Variants in ANKS1A observed in about 807,000 individuals in gnomAD.
The protein encoded by ANKS1A is ankyrin repeat and SAM domain-containing protein 1A.
ANKS1A carries 55 observed loss-of-function variants against 120.3 expected under a neutral mutation model. That is an observed-to-expected ratio of 0.46 (90% confidence interval 0.37 to 0.57). The LOEUF is 0.57. ANKS1A is among the 20% of genes least tolerant of loss of function. The pLI, the probability that ANKS1A is intolerant of heterozygous loss-of-function variation, is 0.00. For missense variants in ANKS1A, 1,123 were observed against 1,480.3 expected (o/e 0.76, Z 3.96); for synonymous variants, 590 against 604.7 (o/e 0.98, Z 0.36).
Position 35,085,677 on chromosome 6 carries a change from G to T in ANKS1A, c.3133-89G>T, listed in dbSNP as rs1777924490. 1.4e-6 allele frequency: 2 copies of T among 1,380,090 alleles called. No homozygotes were observed. Among genetic ancestry groups the T allele is most frequent in the Non-Finnish European group, 1.9e-6 (2 of 1,027,432 alleles). The allele number at this position is 1,380,090 out of a possible 1,614,324, so 85.5% of individuals were successfully genotyped here. A position where few individuals can be genotyped will look rare whatever the true frequency, so the allele number is the denominator to read the frequency against. On this transcript the variant is annotated intron_variant, in intron 21 of 23. Coordinates refer to ENST00000360359, the MANE Select transcript of ANKS1A (RefSeq NM_015245.3). The surrounding 1 kb of genome is among the most constrained non-coding windows in gnomAD (Gnocchi z 4.7). ...GGAGCGCTCCCGGGTAGACTTAGAG[G>T]GGGACACATGGTCCCTGCGAGGAAG...
At chr6:35,095,619 AAAC>A (rs1249898598), downstream of ANKS1A, among the ~76,000 whole-genome samples, 2 of 150,818 alleles carry the variant, frequency 1.3e-5, no homozygotes, top group East Asian at 1.9e-4. Context: ...AAACAACAAA[AAAC>A]AACAAAAAAA....
chr6:34,915,557 G>A (rs1386503811), intron 1 of ANKS1A, among the ~76,000 whole-genome samples: 1 of 152,114 alleles, frequency 6.6e-6, no homozygotes, highest in Non-Finnish European at 1.5e-5. Flanking sequence ...GTGCTGCCCA[G>A]GCTGGTCTTA....
Position 35,084,713 on chromosome 6 carries a change from G to T in ANKS1A, c.3132+455G>T, listed in dbSNP as rs79810595. ...TGCCCTAGGTCTCCAACCTCTGGCT[G>T]GGCCGCCTCCCAGAAATGCCCTCTA... On this transcript the variant is annotated intron_variant, in intron 21 of 23. Transcript: ENST00000360359. This position sits in a 1 kb window ranked among gnomAD's most constrained non-coding sequence, Gnocchi z 4.8. 0.027 allele frequency among the ~76,000 whole-genome samples: 4,053 copies of T among 152,264 alleles called. 66 individuals carry two copies. Among genetic ancestry groups the T allele is most frequent in the Middle Eastern group, 0.054 (16 of 294 alleles).
At position 35,090,343 on chromosome 6, in the gene ANKS1A, T is replaced by C; in HGVS notation, c.*1734T>C. On this transcript the variant is annotated 3_prime_UTR_variant, in exon 24 of 24. Coordinates refer to ENST00000360359, the MANE Select transcript of ANKS1A (RefSeq NM_015245.3). ...GTAGACTGCGCTGCCACTGCGCACA[T>C]GCTGGTGCCCGTCTTCCTCCTAAGG... 7.9e-7 allele frequency: 1 copy of C among 1,272,206 alleles called. No homozygotes were observed. Among genetic ancestry groups the C allele is most frequent in the South Asian group, 1.3e-5 (1 of 79,444 alleles). 78.8% of individuals were successfully genotyped at this position (1,272,206 alleles called of 1,614,324 possible).
chr6:35,070,750 C>T (rs551853821), intron 13 of ANKS1A: 10 of 281,542 alleles, frequency 3.6e-5, no homozygotes, highest in Non-Finnish European at 6.8e-5. Context: ...TCCCAAAGTG[C>T]TGGGATTACA....
At chr6:35,063,118 G>A (rs1040708350) in intron 13 of ANKS1A, among the ~76,000 whole-genome samples, 1 of 152,180 alleles carries the variant, frequency 6.6e-6, no homozygotes, top group African/African-American at 2.4e-5. Context: ...AGAGGGGCAG[G>A]GCCAGGGCAG....
downstream of ANKS1A, among the ~76,000 whole-genome samples, chr6:35,095,471 T>G (rs1778433411): frequency 6.8e-6 from 1 of 147,646 alleles, no homozygotes; most frequent in Non-Finnish European, 1.5e-5. Context: ...GCAGGATAAT[T>G]GCTTGAACCC....
At chr6:34,923,889 CAAAG>C (rs1379678035) in intron 1 of ANKS1A, among the ~76,000 whole-genome samples, 6 of 152,196 alleles carry the variant, frequency 3.9e-5, no homozygotes. Flanking sequence ...GCTGCATACT[CAAAG>C]AGCCAGCAAA....
chr6:35,086,423 GCT>G lies in ANKS1A; in HGVS notation c.3303+490_3303+491del. 1 of 1,223,364 alleles carries G rather than the reference GCT, an allele frequency of 8.2e-7. No homozygotes were observed. The highest frequency in any genetic ancestry group is 1.3e-5 in the South Asian group (1 of 79,586). 75.8% of individuals were successfully genotyped at this position (1,223,364 alleles called of 1,614,324 possible). On this transcript the variant is annotated intron_variant, in intron 22 of 23. Transcript: ENST00000360359. This position sits in a 1 kb window ranked among gnomAD's most constrained non-coding sequence, Gnocchi z 5.1. ...CAGTCTCCCCGAAGTGACCGTGAGC[GCT>G]CTTAGCCTCTGGCGGCCTCTCCCTC...
intron 3 of ANKS1A, among the ~76,000 whole-genome samples, chr6:34,977,302 A>G (rs1174808520): frequency 2.0e-5 from 3 of 152,182 alleles, no homozygotes; most frequent in African/African-American, 4.8e-5. Flanking sequence ...TCAACAAGGC[A>G]CATGACGTTG....
At chr6:35,035,554 T>G (rs543451287) in intron 11 of ANKS1A, among the ~76,000 whole-genome samples, 24 of 152,292 alleles carry the variant, frequency 1.6e-4, no homozygotes, top group Admixed American at 5.9e-4. Flanking sequence ...TGGGTACCCC[T>G]CTTGACATGG....
downstream of ANKS1A, among the ~76,000 whole-genome samples, chr6:35,094,221 C>G (rs112687196): frequency 7.4e-3 from 1,129 of 152,294 alleles, 3 homozygotes; most frequent in South Asian, 0.018. Flanking sequence ...TAGAAAATCA[C>G]TTATCATACC....
At position 35,085,940 on chromosome 6, in the gene ANKS1A, C is replaced by A; in HGVS notation, c.3303+4C>A. ...GGTCGGCGTGAGGAAATCCGCAGTA[C>A]GTGGGCCCCACTGGCCAAGATCCCC... On this transcript the variant is annotated splice_donor_region_variant and intron_variant, in intron 22 of 23. Coordinates refer to ENST00000360359, the MANE Select transcript of ANKS1A (RefSeq NM_015245.3). This position sits in a 1 kb window ranked among gnomAD's most constrained non-coding sequence, Gnocchi z 4.7. 6.3e-7 allele frequency: 1 copy of A among 1,595,384 alleles called. No homozygotes were observed. Among genetic ancestry groups the A allele is most frequent in the Non-Finnish European group, 8.5e-7 (1 of 1,172,508 alleles).
At chr6:35,094,129 T>C (rs1321730828), downstream of ANKS1A, among the ~76,000 whole-genome samples, 1 of 152,212 alleles carries the variant, frequency 6.6e-6, no homozygotes, top group Admixed American at 6.5e-5. Flanking sequence ...GCTATTTCCT[T>C]TTCCCTTGCT....
rs2127558454 is a variant in ANKS1A at position 35,017,783 on chromosome 6, C to T, written c.1734C>T (p.Arg578=). 6.2e-7 allele frequency: 1 copy of T among 1,614,190 alleles called. No homozygotes were observed. Among genetic ancestry groups the T allele is most frequent in the South Asian group, 1.1e-5 (1 of 91,084 alleles). ...CAGGCCTGCCCACCACCAACAGCCG[C>T]TCGCACCCTGAAACTTTGACTCACA... is the stretch of plus-strand genomic sequence containing the variant. ...YLTGLPTTNS[R]SHPETLTHTA... The change falls in exon 11 of 24, where the codon CGC becomes CGT. Residue 578 remains arginine, a synonymous_variant. Coordinates refer to ENST00000360359, the MANE Select transcript of ANKS1A (RefSeq NM_015245.3).
At chr6:34,917,149 A>G (rs891566685) in intron 1 of ANKS1A, among the ~76,000 whole-genome samples, 1 of 152,098 alleles carries the variant, frequency 6.6e-6, no homozygotes, top group South Asian at 2.1e-4. Context: ...GTAGGCCTCC[A>G]TGGGGCCTAC....
rs150575021 is a variant in ANKS1A at position 35,050,683 on chromosome 6, T to G, written c.2011-3416T>G. Among the ~76,000 whole-genome samples, 19 of 152,302 alleles carry G rather than the reference T, an allele frequency of 1.2e-4. No individual in the cohort carries two copies. The highest frequency in any genetic ancestry group is 4.1e-4 in the African/African-American group (17 of 41,554). On this transcript the variant is annotated intron_variant, in intron 11 of 23. Coordinates refer to ENST00000360359, the MANE Select transcript of ANKS1A (RefSeq NM_015245.3). The surrounding 1 kb of genome is among the most constrained non-coding windows in gnomAD (Gnocchi z 4.3). ...GCAAGGAGAGAAGATGAGCTCCGGC[T>G]TCTCCCCATCTGCACAGCTCAGGCT...
At chr6:34,948,464 G>T (rs1009997096) in intron 1 of ANKS1A, among the ~76,000 whole-genome samples, 2 of 152,170 alleles carry the variant, frequency 1.3e-5, no homozygotes, top group African/African-American at 4.8e-5. Flanking sequence ...AGGATTCTGA[G>T]AAGAGGGTAG....
In ANKS1A at chr6:34,983,234, T is replaced by C. The variant is rs1441301771; in HGVS notation, c.910+20T>C. On this transcript the variant is annotated intron_variant, in intron 6 of 23. Transcript: ENST00000360359. Reference sequence around the variant, plus strand: ...TTGAAGGTATCATCCTTTCTCCCTGTCTGGGTGACCAGGGGACACACGAAT... The same window carrying C: ...TTGAAGGTATCATCCTTTCTCCCTGCCTGGGTGACCAGGGGACACACGAAT... The C allele has an allele frequency of 1.2e-6, 2 of 1,612,388 alleles. No homozygotes were observed. Among genetic ancestry groups the C allele is most frequent in the African/African-American group, 1.3e-5 (1 of 74,902 alleles).
Sources: gnomAD v4.1 joint callset for allele counts (sites outside exome capture counted in the v4.1 genomes callset) on GRCh38, gnomAD v4.1.1 for gene constraint, Gnocchi (gnomAD v3.1) non-coding constraint, MANE v1.5 for transcripts, NCBI Gene and HGNC (gene_info 2026-07-23, HGNC 2026-07-21) for gene names.